The following SLC6A5 variants were observed in gnomAD, a reference collection of about 807,000 sequenced individuals.
SLC6A5 encodes the protein solute carrier family 6 member 5, also known as sodium- and chloride-dependent glycine transporter 2.
In SLC6A5, 58 loss-of-function variants were observed where a neutral mutation model predicts 90.5. The ratio of observed to expected loss-of-function variants is 0.64; its 90% CI spans 0.52 to 0.80. The LOEUF is 0.80. Among genes scored for constraint, SLC6A5 ranks in the 30% least tolerant of loss-of-function variants. The probability of loss-of-function intolerance (pLI) is 0.00; values close to 1 mark genes in which losing one functional copy is unlikely to be tolerated. For missense variants in SLC6A5, 1,015 were observed against 1,017.6 expected, an observed-to-expected ratio of 1.00 and a Z score of 0.03; for synonymous variants, 427 against 401.4, an observed-to-expected ratio of 1.06 and a Z score of -0.76.
chr11:20,629,934 G>T (rs2133802182), intron 9 of SLC6A5, among the ~76,000 whole-genome samples: 1 of 152,174 alleles, frequency 6.6e-6, no homozygotes, highest in South Asian at 2.1e-4. Context: ...TGTTGGTGAG[G>T]CTGGTCTCGA....
At chr11:20,618,793 T>A (rs1211419364) in intron 7 of SLC6A5, among the ~76,000 whole-genome samples, 1 of 151,936 alleles carries the variant, frequency 6.6e-6, no homozygotes, top group Non-Finnish European at 1.5e-5. Context: ...AAAAATTAGC[T>A]GGGCATGGTG....
chr11:20,631,292 T>G (rs1169240742), intron 10 of SLC6A5, among the ~76,000 whole-genome samples: 1 of 152,182 alleles, frequency 6.6e-6, no homozygotes. Context: ...GATTGTTAGG[T>G]CAAATGTGCT....
intron 13 of SLC6A5, among the ~76,000 whole-genome samples, chr11:20,643,521 G>C (rs1243965145): frequency 1.3e-5 from 2 of 152,128 alleles, no homozygotes; most frequent in South Asian, 4.1e-4. Flanking sequence ...AGCCTTAAGA[G>C]CTCATTTGGC....
chr11:20,652,501 A>C, intron 15 of SLC6A5, 45 bp downstream of exon 15: 1 of 1,551,540 alleles, frequency 6.4e-7, no homozygotes, highest in African/African-American at 1.4e-5. Context: ...CCCAAGGGAA[A>C]GCCCATAAAA....
chr11:20,614,318 C>T (rs1338763545), intron 5 of SLC6A5, among the ~76,000 whole-genome samples: 2 of 152,216 alleles, frequency 1.3e-5, no homozygotes, highest in African/African-American at 4.8e-5. Context: ...TTACCTACCT[C>T]TTTAAGCCTG....
intron 3 of SLC6A5, 92 bp downstream of exon 3, chr11:20,604,516 C>CG (rs1852541138): frequency 1.3e-6 from 2 of 1,510,550 alleles, no homozygotes; most frequent in Non-Finnish European, 1.8e-6. Flanking sequence ...GGCCGCCGGG[C>CG]GGGGAGGCTC....
intron 7 of SLC6A5, among the ~76,000 whole-genome samples, chr11:20,626,340 A>G (rs1187396759): frequency 6.6e-6 from 1 of 151,938 alleles, no homozygotes. Flanking sequence ...TTCATCTTTA[A>G]TGGTGGAATT....
At chr11:20,651,446 A>G (rs931973092) in intron 14 of SLC6A5, among the ~76,000 whole-genome samples, 5 of 149,286 alleles carry the variant, frequency 3.3e-5, no homozygotes, top group Admixed American at 1.3e-4. Flanking sequence ...GCTAATTTTT[A>G]TATTTTTAGT....
intron 9 of SLC6A5, among the ~76,000 whole-genome samples, chr11:20,630,112 A>G (rs965681310): frequency 1.3e-5 from 2 of 152,102 alleles, no homozygotes; most frequent in Non-Finnish European, 2.9e-5. Flanking sequence ...TCTTTAACTG[A>G]CTTTTGGCTA....
chr11:20,623,509 C>T (rs931309634), intron 7 of SLC6A5, among the ~76,000 whole-genome samples: 2 of 152,188 alleles, frequency 1.3e-5, no homozygotes, highest in Non-Finnish European at 2.9e-5. Context: ...GCTGCTGTGG[C>T]CTCCTTACTG....
chr11:20,636,474 C>T, intron 11 of SLC6A5, 55 bp downstream of exon 11: 1 of 1,120,302 alleles, frequency 8.9e-7, no homozygotes, highest in Admixed American at 1.7e-5. Flanking sequence ...GACTCCCCCT[C>T]TCCTGGGTCC....
chr11:20,601,215 C>G lies in SLC6A5; in HGVS notation c.90C>G (p.Cys30Trp). 2 of 1,582,230 alleles carry G rather than the reference C, an allele frequency of 1.3e-6. No individual in the cohort carries two copies. Among genetic ancestry groups the G allele is most frequent in the Non-Finnish European group, 1.7e-6 (2 of 1,171,902 alleles). ...AAAQGHPDGP[C>W]APRTSPEQEL... ...CGCAGGGCCACCCGGATGGCCCATG[C>G]GCTCCCAGGACGAGCCCGGAGCAGG... The change falls in exon 2 of 16, where the codon TGC (cysteine) becomes TGG (tryptophan). Residue 30 changes from cysteine to tryptophan, a missense_variant. By Grantham distance (215) the Cys-to-Trp change is radical (BLOSUM62 -2). Transcript: ENST00000525748.
At chr11:20,599,844 C>G (rs903775432) in intron 1 of SLC6A5, among the ~76,000 whole-genome samples, 169 bp downstream of exon 1, 1 of 152,106 alleles carries the variant, frequency 6.6e-6, no homozygotes, top group Non-Finnish European at 1.5e-5. Context: ...GTGAGCGTCA[C>G]CTGAGGTCGC....
chr11:20,656,558 A>T lies in SLC6A5; in HGVS notation c.*1690A>T, dbSNP rs1422707819. ...GTTAAAAAAAGTCTCAACTCATTTTACTGAGCTCTCCCTTTTCTAGGGCAA... is the reference window on the plus strand; with the variant it reads ...GTTAAAAAAAGTCTCAACTCATTTTTCTGAGCTCTCCCTTTTCTAGGGCAA... On this transcript the variant is annotated 3_prime_UTR_variant, in exon 16 of 16. Transcript: ENST00000525748. 1 of 152,164 alleles carries T rather than the reference A, an allele frequency of 6.6e-6. No homozygotes were observed. Among genetic ancestry groups the T allele is most frequent in the Admixed American group, 6.5e-5 (1 of 15,272 alleles). 9.4% of individuals were successfully genotyped at this position (152,164 alleles called of 1,614,324 possible). A position where few individuals can be genotyped will look rare whatever the true frequency, so the allele number is the denominator to read the frequency against.
rs1852578177 is a variant in SLC6A5 at position 20,606,226 on chromosome 11, T to G, written c.680-781T>G. On this transcript the variant is annotated intron_variant, in intron 3 of 15. Coordinates refer to ENST00000525748, the MANE Select transcript of SLC6A5 (RefSeq NM_004211.5). Reference sequence around the variant, plus strand: ...TCTATGGAGGCCTGCCAAGTACTATTGCCCTAGACGGGGCATTTTGAGGAA... The same window carrying G: ...TCTATGGAGGCCTGCCAAGTACTATGGCCCTAGACGGGGCATTTTGAGGAA... 2.0e-5 allele frequency among the ~76,000 whole-genome samples: 3 copies of G among 152,240 alleles called. No individual in the cohort carries two copies. The South Asian group carries it at 6.2e-4, about 31-fold the overall frequency.
intron 5 of SLC6A5, among the ~76,000 whole-genome samples, chr11:20,608,436 T>C (rs977845613): frequency 2.6e-5 from 4 of 152,216 alleles, no homozygotes; most frequent in Non-Finnish European, 4.4e-5. Flanking sequence ...TGTATGTATG[T>C]CTGGGTCAAG....
chr11:20,623,127 C>CA (rs1176448715), intron 7 of SLC6A5, among the ~76,000 whole-genome samples: 1 of 152,050 alleles, frequency 6.6e-6, no homozygotes, highest in East Asian at 1.9e-4. Flanking sequence ...TTCTTTGAGA[C>CA]AAGGAGGGAG....
chr11:20,602,368 G>A (rs1349790239), intron 2 of SLC6A5, among the ~76,000 whole-genome samples: 11 of 152,110 alleles, frequency 7.2e-5, no homozygotes, highest in African/African-American at 2.4e-4. Flanking sequence ...AATTAGAGGC[G>A]TGAAAAACCC....
At chr11:20,651,853 C>T (rs1471924614) in intron 14 of SLC6A5, among the ~76,000 whole-genome samples, 2 of 151,766 alleles carry the variant, frequency 1.3e-5, no homozygotes, top group Non-Finnish European at 2.9e-5. Flanking sequence ...GTTGCAGTAG[C>T]TGAGATCACG....
Sources: allele counts gnomAD v4.1 joint callset (sites outside exome capture counted in the v4.1 genomes callset), GRCh38; gene constraint gnomAD v4.1.1; transcripts MANE v1.5; gene names NCBI Gene and HGNC (gene_info 2026-07-23, HGNC 2026-07-21).